The following PCSK1 variants were observed in gnomAD, a reference collection of about 807,000 sequenced individuals.
PCSK1 encodes the protein neuroendocrine convertase 1.
A neutral mutation model predicts 90.6 loss-of-function variants in PCSK1; 56 were observed. That is an observed-to-expected ratio of 0.62 (90% confidence interval 0.50 to 0.77). The LOEUF (loss-of-function observed/expected upper bound fraction) is 0.77, where lower values mean the gene tolerates loss of function less well. Among genes scored for constraint, PCSK1 ranks in the 30% least tolerant of loss-of-function variants. The pLI, the probability that PCSK1 is intolerant of heterozygous loss-of-function variation, is 0.00. For missense variants in PCSK1, 801 were observed against 932.6 expected (o/e 0.86, Z 1.84); for synonymous variants, 348 against 342.4 (o/e 1.02, Z -0.18).
At chr5:96,411,842 C>G (rs1019669126) in intron 7 of PCSK1, among the ~76,000 whole-genome samples, 3 of 152,204 alleles carry the variant, frequency 2.0e-5, no homozygotes, top group African/African-American at 7.2e-5. Flanking sequence ...CAGGGTCTCA[C>G]TCTGTCACCC....
At chr5:96,411,268 T>G (rs1444332561) in intron 7 of PCSK1, among the ~76,000 whole-genome samples, 1 of 152,242 alleles carries the variant, frequency 6.6e-6, no homozygotes, top group Admixed American at 6.5e-5. Flanking sequence ...GTTTTGCACT[T>G]GCTCATATTT....
In PCSK1 at chr5:96,400,163, A is replaced by G; in HGVS notation, c.1220T>C (p.Met407Thr). 1.2e-6 allele frequency: 2 copies of G among 1,614,060 alleles called. No homozygotes were observed. The highest frequency in any genetic ancestry group is 8.5e-7 in the Non-Finnish European group (1 of 1,179,910). ...AGAGGTCCAGACAACCAGGTGCTGC[A>G]TATCTCGCCAGGTGAGATTTGGGCT... ...EANPNLTWRD[M>T]QHLVVWTSEY... The change falls in exon 10 of 14, where the codon ATG becomes ACG. Residue 407 changes from methionine to threonine, a missense_variant. By Grantham distance (81) the Met-to-Thr change is moderately conservative. Transcript: ENST00000311106.
chr5:96,409,037 T>C (rs1760664353), intron 8 of PCSK1, among the ~76,000 whole-genome samples: 1 of 152,246 alleles, frequency 6.6e-6, no homozygotes, highest in Non-Finnish European at 1.5e-5. Flanking sequence ...CTGACTCATA[T>C]GCGAGACTTA....
At chr5:96,412,838 A>G in intron 6 of PCSK1, 2 of 509,166 alleles carry the variant, frequency 3.9e-6, no homozygotes, top group Middle Eastern at 9.0e-4. Context: ...GTGGAGCAGC[A>G]TCCTTGGATG....
chr5:96,404,251 G>A (rs1337389043), intron 9 of PCSK1, among the ~76,000 whole-genome samples: 1 of 152,148 alleles, frequency 6.6e-6, no homozygotes. Flanking sequence ...TCAAAACTTG[G>A]TTAAGGTATT....
In PCSK1 at chr5:96,408,297, G is replaced by T. The variant is rs754122677; in HGVS notation, c.1122C>A (p.Cys374Ter). 1 of 1,614,034 alleles carries T rather than the reference G, an allele frequency of 6.2e-7. No homozygotes were observed. Among genetic ancestry groups the T allele is most frequent in the South Asian group, 1.1e-5 (1 of 91,064 alleles). The change falls in exon 9 of 14, where the codon TGC becomes TGA. Residue 374 changes from cysteine (C) to a stop codon, truncating the protein, a stop_gained. Transcript: ENST00000311106. LOFTEE classifies it high-confidence loss of function. ...RITSADLHND[C>*]TETHTGTSAS... The stretch of plus-strand genomic sequence containing the variant: ...CCGAGGTGCCTGTGTGCGTCTCCGT[G>T]CAGTCATTGTGCAGGTCAGCGCTCG...
chr5:96,397,377 C>G lies in PCSK1; in HGVS notation c.1681G>C (p.Glu561Gln), dbSNP rs1760191844. 1 of 1,612,528 alleles carries G rather than the reference C, an allele frequency of 6.2e-7. No individual in the cohort carries two copies. Among genetic ancestry groups the G allele is most frequent in the African/African-American group, 1.3e-5 (1 of 75,006 alleles). ...AAAGTCCAAGTACCTATAGGGTTCTCTCCCCATGTGTGAACAGACATGAAG... is the reference window on the plus strand; with the variant it reads ...AAAGTCCAAGTACCTATAGGGTTCTGTCCCCATGTGTGAACAGACATGAAG... ...WDFMSVHTWG[E>Q]NPIGTWTLRI... Residue 561 changes from glutamate (E) to glutamine (Q), a missense_variant, in exon 12 of 14, where the codon GAG becomes CAG. By Grantham distance (29) the Glu-to-Gln change is conservative (BLOSUM62 2). Coordinates refer to ENST00000311106, the MANE Select transcript of PCSK1 (RefSeq NM_000439.5).
At position 96,408,309 on chromosome 5, in the gene PCSK1, C is replaced by T. The variant is rs755174969; in HGVS notation, c.1110G>A (p.Leu370=). ...YTDQRITSAD[L]HNDCTETHTG... ...TGTGCGTCTCCGTGCAGTCATTGTGCAGGTCAGCGCTCGTCTGGATGACGT... is the reference window on the plus strand; with the variant it reads ...TGTGCGTCTCCGTGCAGTCATTGTGTAGGTCAGCGCTCGTCTGGATGACGT... The change falls in exon 9 of 14, where the codon CTG becomes CTA. Residue 370 remains leucine (L), a synonymous_variant. Transcript: ENST00000311106. 6.2e-7 allele frequency: 1 copy of T among 1,613,652 alleles called. No homozygotes were observed. The highest frequency in any genetic ancestry group is 8.5e-7 in the Non-Finnish European group (1 of 1,179,684).
rs1760792892 is a variant in PCSK1 at position 96,412,614 on chromosome 5, A to G, written c.710-124T>C. 5.8e-6 allele frequency: 5 copies of G among 857,816 alleles called. No individual in the cohort carries two copies. The Admixed American group carries it at 6.5e-5, about 11-fold the overall frequency. 53.1% of individuals were successfully genotyped at this position (857,816 alleles called of 1,614,324 possible). A position where few individuals can be genotyped will look rare whatever the true frequency, so the allele number is the denominator to read the frequency against. On this transcript the variant is annotated intron_variant, in intron 6 of 13. Transcript: ENST00000311106. Reference sequence around the variant, plus strand: ...AAGAGTCAAAAACCAGGTAACTACTAGATAGATGTCCCCAATTTCTGTAAC... The same window carrying G: ...AAGAGTCAAAAACCAGGTAACTACTGGATAGATGTCCCCAATTTCTGTAAC...
intron 9 of PCSK1, among the ~76,000 whole-genome samples, chr5:96,400,858 C>CATT (rs1272151153): frequency 2.5e-5 from 3 of 119,844 alleles, no homozygotes; most frequent in African/African-American, 1.1e-4. Context: ...GAGGCCGAGG[C>CATT]GGGCGGATCA....
intron 9 of PCSK1, among the ~76,000 whole-genome samples, chr5:96,403,701 A>T (rs943156697): frequency 6.6e-6 from 1 of 152,244 alleles, no homozygotes; most frequent in African/African-American, 2.4e-5. Context: ...TAATTTGGAG[A>T]CAAAATTCCA....
rs200648861 is a variant in PCSK1 at position 96,399,926 on chromosome 5, G to A, written c.1430+27C>T. On this transcript the variant is annotated intron_variant, in intron 10 of 13. Coordinates refer to ENST00000311106, the MANE Select transcript of PCSK1 (RefSeq NM_000439.5). ...ATGAAATTATGCCATGGGCACACATGTGTTTAAAATTCCAGGAGATACTTA... is the reference window on the plus strand; with the variant it reads ...ATGAAATTATGCCATGGGCACACATATGTTTAAAATTCCAGGAGATACTTA... The A allele has an allele frequency of 1.6e-5, 25 of 1,518,660 alleles. No homozygotes were observed. The African/African-American group carries it at 3.1e-4, about 19-fold the overall frequency. 94.1% of individuals were successfully genotyped at this position (1,518,660 alleles called of 1,614,324 possible).
chr5:96,410,778 C>A lies in PCSK1; in HGVS notation c.1091G>T (p.Arg364Ile), dbSNP rs1432039410. Residue 364 changes from arginine (R) to isoleucine (I), a missense_variant, in exon 8 of 14, where the codon AGA (arginine) becomes ATA (isoleucine). By Grantham distance (97) the Arg-to-Ile change is moderately conservative. Transcript: ENST00000311106. ...AATTAGACAAAAGCAACATACGATT[C>A]TCTGGTCGGTGTAATCTCCGCTGCT... ...SYSSGDYTDQRITSADLHNDC... is the reference protein window; with the variant it reads ...SYSSGDYTDQIITSADLHNDC... The A allele has an allele frequency of 1.2e-6, 2 of 1,612,900 alleles. No individual in the cohort carries two copies. Among genetic ancestry groups the A allele is most frequent in the Non-Finnish European group, 1.7e-6 (2 of 1,178,860 alleles).
rs144012217 is a variant in PCSK1, at chr5:96,392,726, G to A, written c.*275C>T. On this transcript the variant is annotated 3_prime_UTR_variant, in exon 14 of 14. Transcript: ENST00000311106. ...TGCAGTGTTCTAATGTAGTGTAAGA[G>A]CTTTTTGTCAACTGTGACTCCAGAA... 17 of 493,534 alleles carry A rather than the reference G, an allele frequency of 3.4e-5. 1 individual carries two copies. The highest frequency in any genetic ancestry group is 2.9e-4 in the African/African-American group (15 of 51,864). 30.6% of individuals were successfully genotyped at this position (493,534 alleles called of 1,614,324 possible).
intron 12 of PCSK1, among the ~76,000 whole-genome samples, chr5:96,395,868 A>G (rs1295368126): frequency 6.6e-6 from 1 of 152,228 alleles, no homozygotes; most frequent in African/African-American, 2.4e-5. Flanking sequence ...TTCAGTTACA[A>G]AAAGTTGCAT....
In PCSK1 at chr5:96,425,827, C is replaced by A. The variant is rs1434467255; in HGVS notation, c.389G>T (p.Trp130Leu). Residue 130 changes from tryptophan (W) to leucine (L), a missense_variant, in exon 3 of 14, where the codon TGG becomes TTG. Physicochemically the swap from Trp to Leu is moderately conservative, Grantham distance 61. Coordinates refer to ENST00000311106, the MANE Select transcript of PCSK1 (RefSeq NM_000439.5). ...LFNDPMWNQQ[W>L]YLQDTRMTAA... is the part of the protein sequence containing the mutation. ...CCTTCTGTAGGTACTTACCAAGTAC[C>A]ATTGCTGATTCCACATGGGATCATT... 2.6e-6 allele frequency: 4 copies of A among 1,564,472 alleles called. No homozygotes were observed. Among genetic ancestry groups the A allele is most frequent in the Admixed American group, 1.7e-5 (1 of 59,926 alleles).
chr5:96,397,851 A>G (rs907369080), intron 11 of PCSK1, among the ~76,000 whole-genome samples: 1 of 152,108 alleles, frequency 6.6e-6, no homozygotes, highest in South Asian at 2.1e-4. Flanking sequence ...CTGAAGTGTG[A>G]GAGGAAATCT....
chr5:96,395,476 G>A (rs1472419778), intron 12 of PCSK1, among the ~76,000 whole-genome samples: 1 of 152,192 alleles, frequency 6.6e-6, no homozygotes, highest in East Asian at 1.9e-4. Flanking sequence ...AAAAGAGTGA[G>A]TTCATGTCCT....
chr5:96,392,185 T>G lies in PCSK1; in HGVS notation c.*816A>C, dbSNP rs1037811823. On this transcript the variant is annotated 3_prime_UTR_variant, in exon 14 of 14. Coordinates refer to ENST00000311106, the MANE Select transcript of PCSK1 (RefSeq NM_000439.5). ...AGTCCCAAGTGTAAGTTTTTTTTTT[T>G]CTGGGAAAGTGGTATATATCATTTC... 6.6e-6 allele frequency: 1 copy of G among 150,478 alleles called. No individual in the cohort carries two copies. The highest frequency in any genetic ancestry group is 1.5e-5 in the Non-Finnish European group (1 of 67,634). 9.3% of individuals were successfully genotyped at this position (150,478 alleles called of 1,614,324 possible).
Sources: allele counts gnomAD v4.1 joint callset (sites outside exome capture counted in the v4.1 genomes callset), GRCh38; gene constraint gnomAD v4.1.1; transcripts MANE v1.5; gene names NCBI Gene and HGNC (gene_info 2026-07-23, HGNC 2026-07-21).